Variants in ARID1A observed in about 807,000 individuals in gnomAD.
ARID1A encodes the protein AT-rich interaction domain 1A, also known as AT-rich interactive domain-containing protein 1A.
In ARID1A, 20 loss-of-function variants were observed where a neutral mutation model predicts 212.6. The observed-to-expected ratio is 0.09, with a 90% CI of 0.07 to 0.14. ARID1A has a LOEUF of 0.14. ARID1A is among the 10% of genes least tolerant of loss of function. ARID1A has a pLI of 1.00. For synonymous variants in ARID1A, 1,376 were observed against 1,222.1 expected, an observed-to-expected ratio of 1.13 and a Z score of -2.63; for missense variants, 2,587 against 3,059.0, an observed-to-expected ratio of 0.85 and a Z score of 3.64.
chr1:26,730,097 G>A lies in ARID1A; in HGVS notation c.1350+234G>A, dbSNP rs1166574500. ...ACAGGTACGTATCTCTTTTTCTCTT[G>A]ACCTGACTGGCCAGCTTATACCTAG... On this transcript the variant is annotated intron_variant, in intron 2 of 19. Transcript: ENST00000324856. 2.6e-5 allele frequency among the ~76,000 whole-genome samples: 4 copies of A among 152,098 alleles called. No homozygotes were observed. In the East Asian group the frequency reaches 7.7e-4, roughly 29 times the overall value.
Position 26,780,776 on chromosome 1 carries a change from C to A in ARID1A, c.*20C>A. 1 of 1,544,060 alleles carries A rather than the reference C, an allele frequency of 6.5e-7. No individual in the cohort carries two copies. The highest frequency in any genetic ancestry group is 8.7e-7 in the Non-Finnish European group (1 of 1,145,920). On this transcript the variant is annotated 3_prime_UTR_variant, in exon 20 of 20. Transcript: ENST00000324856. The surrounding 1 kb of genome is among the most constrained non-coding windows in gnomAD (Gnocchi z 7.2). ...TCATGACAGCCGTGGGACACCTCCC[C>A]CCCCCGTGTGTGTGTGCGTGTGTGG...
rs2124117489 is a variant in ARID1A at position 26,774,403 on chromosome 1, A to C, written c.4176A>C (p.Pro1392=). The change falls in exon 18 of 20, where the codon CCA becomes CCC. Residue 1392 remains proline (P), a synonymous_variant. Coordinates refer to ENST00000324856, the MANE Select transcript of ARID1A (RefSeq NM_006015.6). This position sits in a 1 kb window ranked among gnomAD's most constrained non-coding sequence, Gnocchi z 5.6. ...ACGAAGGGGAGATGTACAGCGTGCC[A>C]TACAGCACTGGGCAGGGGCAGCCTC... is the stretch of plus-strand genomic sequence containing the variant. The part of the protein sequence containing the change: ...KRHEGEMYSV[P]YSTGQGQPQQ... 1 of 1,609,974 alleles carries C rather than the reference A, an allele frequency of 6.2e-7. No individual in the cohort carries two copies. The highest frequency in any genetic ancestry group is 8.5e-7 in the Non-Finnish European group (1 of 1,177,438).
At chr1:26,697,669 T>G (rs1450722947) in intron 1 of ARID1A, 129 bp downstream of exon 1, 2 of 927,116 alleles carry the variant, frequency 2.2e-6, no homozygotes, top group Non-Finnish European at 2.8e-6. Context: ...GCTGCCATTG[T>G]CTGGCTCTTC....
intron 1 of ARID1A, among the ~76,000 whole-genome samples, chr1:26,726,477 G>C (rs911880155): frequency 3.3e-5 from 5 of 152,100 alleles, no homozygotes; most frequent in African/African-American, 1.2e-4. Context: ...GCCCAGCCAG[G>C]TTATTCTTAA....
chr1:26,755,577 C>G (rs777525275), intron 4 of ARID1A, among the ~76,000 whole-genome samples: 2 of 152,132 alleles, frequency 1.3e-5, no homozygotes, highest in Non-Finnish European at 2.9e-5. Flanking sequence ...GACCCCAGCC[C>G]CAAGAGCTAC....
chr1:26,734,653 C>G (rs368959061), intron 4 of ARID1A, among the ~76,000 whole-genome samples: 11 of 152,194 alleles, frequency 7.2e-5, no homozygotes, highest in African/African-American at 2.4e-4. Context: ...CCCTTTGCTA[C>G]TTGGGCAGGC....
At position 26,780,606 on chromosome 1, in the gene ARID1A, C is replaced by G. The variant is rs757672227; in HGVS notation, c.6708C>G (p.Arg2236=). The change falls in exon 20 of 20, where the codon CGC becomes CGG. Residue 2236 remains arginine, a synonymous_variant. Transcript: ENST00000324856. This position sits in a 1 kb window ranked among gnomAD's most constrained non-coding sequence, Gnocchi z 7.2. The part of the protein sequence containing the change: ...TSVDMMRRAA[R]ALLALAKVDE... Reference sequence around the variant, plus strand: ...TGGACATGATGCGGCGGGCTGCCCGCGCGCTGCTTGCCTTGGCCAAGGTGG... The same window carrying G: ...TGGACATGATGCGGCGGGCTGCCCGGGCGCTGCTTGCCTTGGCCAAGGTGG... 1 of 1,613,894 alleles carries G rather than the reference C, an allele frequency of 6.2e-7. No homozygotes were observed. Among genetic ancestry groups the G allele is most frequent in the Admixed American group, 1.7e-5 (1 of 60,024 alleles).
At chr1:26,748,156 GTTC>G (rs1557601109) in intron 4 of ARID1A, among the ~76,000 whole-genome samples, 1 of 152,210 alleles carries the variant, frequency 6.6e-6, no homozygotes, top group Non-Finnish European at 1.5e-5. Context: ...CCAGCCCCTA[GTTC>G]TAAGCCATGT....
At chr1:26,721,922 A>G (rs564769466) in intron 1 of ARID1A, among the ~76,000 whole-genome samples, 2 of 152,234 alleles carry the variant, frequency 1.3e-5, no homozygotes, top group South Asian at 2.1e-4. Context: ...ACATGATTCA[A>G]TGACTCTTCC....
intron 1 of ARID1A, chr1:26,729,376 C>A (rs1261631551): frequency 8.8e-6 from 4 of 456,302 alleles, no homozygotes; most frequent in Non-Finnish European, 1.6e-5. Flanking sequence ...CCCGGCCTGT[C>A]CCTTGGATCT....
intron 4 of ARID1A, among the ~76,000 whole-genome samples, chr1:26,756,593 CAA>C (rs1237151624): frequency 6.8e-6 from 1 of 147,762 alleles, no homozygotes; most frequent in Admixed American, 6.7e-5. Flanking sequence ...AAAACACACA[CAA>C]AAAAAAACCC....
At position 26,779,039 on chromosome 1, in the gene ARID1A, A is replaced by C. The variant is rs2124136480; in HGVS notation, c.5141A>C (p.Glu1714Ala). 1 of 1,504,364 alleles carries C rather than the reference A, an allele frequency of 6.6e-7. No individual in the cohort carries two copies. The highest frequency in any genetic ancestry group is 8.9e-7 in the Non-Finnish European group (1 of 1,126,216). 93.2% of individuals were successfully genotyped at this position (1,504,364 alleles called of 1,614,324 possible). A position where few individuals can be genotyped will look rare whatever the true frequency, so the allele number is the denominator to read the frequency against. ...TCTTTTTAGCTCCCAGGGTTGCTAG[A>C]GCTCCTTGTAGAATATTTCCGACGA... ...FNLSQLPGLL[E>A]LLVEYFRRCL... The change falls in exon 20 of 20, where the codon GAG (glutamate) becomes GCG (alanine). Residue 1714 changes from glutamate (E) to alanine (A), a missense_variant. Transcript: ENST00000324856.
In ARID1A at chr1:26,767,891, C is replaced by T. The variant is rs752808302; in HGVS notation, c.3090C>T (p.Phe1030=). 4.6e-5 allele frequency: 75 copies of T among 1,613,980 alleles called. No individual in the cohort carries two copies. In the South Asian group the frequency reaches 7.9e-4, roughly 17 times the overall value. ...TGTGGGTGGACCGTTATCTGGCCTT[C>T]ACTGAGGAGAAGGCCATGGGCATGA... ...RKMWVDRYLA[F]TEEKAMGMTN... The change falls in exon 11 of 20, where the codon TTC becomes TTT. Residue 1030 remains phenylalanine (F), a synonymous_variant. Transcript: ENST00000324856.
chr1:26,775,045 C>T lies in ARID1A; in HGVS notation c.4818C>T (p.Phe1606=), dbSNP rs548881096. 8.1e-6 allele frequency: 13 copies of T among 1,612,886 alleles called. No individual in the cohort carries two copies. Among genetic ancestry groups the T allele is most frequent in the African/African-American group, 8.0e-5 (6 of 74,878 alleles). The change falls in exon 18 of 20, where the codon TTC becomes TTT. Residue 1606 remains phenylalanine (F), a synonymous_variant. Transcript: ENST00000324856. ...GCACCTCTCCTAGCAAGTCTCCATT[C>T]CTGCACTCTGGGATGAAAATGCAGA... is the stretch of plus-strand genomic sequence containing the variant. The part of the protein sequence containing the change: ...ENRTSPSKSP[F]LHSGMKMQKA...
intron 1 of ARID1A, among the ~76,000 whole-genome samples, chr1:26,713,036 C>T (rs1463865853): frequency 6.6e-6 from 1 of 152,216 alleles, no homozygotes; most frequent in Non-Finnish European, 1.5e-5. Flanking sequence ...ATCACTGGGA[C>T]CTAGCTGCAA....
chr1:26,710,362 A>T (rs2080439241), intron 1 of ARID1A, among the ~76,000 whole-genome samples: 1 of 134,236 alleles, frequency 7.4e-6, no homozygotes, highest in African/African-American at 2.6e-5. Context: ...TGAACCTGGG[A>T]GGCAGAGGTT....
rs2080985577 is a variant in ARID1A, at chr1:26,760,902, C to G, written c.1967C>G (p.Ala656Gly). ...IDDLPMGTEG[A>G]LSPGVSTSGI... ...GACCTCCCCATGGGGACAGAAGGAGCTCTGAGTCCTGGAGTGAGCACATCA... is the reference window on the plus strand; with the variant it reads ...GACCTCCCCATGGGGACAGAAGGAGGTCTGAGTCCTGGAGTGAGCACATCA... Residue 656 changes from alanine (A) to glycine (G), a missense_variant, in exon 5 of 20, where the codon GCT becomes GGT. Ala to Gly is a moderately conservative substitution (Grantham distance 60). Transcript: ENST00000324856. 6.2e-7 allele frequency: 1 copy of G among 1,614,026 alleles called. No homozygotes were observed. The highest frequency in any genetic ancestry group is 8.5e-7 in the Non-Finnish European group (1 of 1,179,966).
Position 26,729,645 on chromosome 1 carries a change from TTG to T in ARID1A, c.1138-4_1138-3del, listed in dbSNP as rs1422289765. The T allele has an allele frequency of 4.3e-6, 7 of 1,613,816 alleles. No individual in the cohort carries two copies. The highest frequency in any genetic ancestry group is 5.9e-6 in the Non-Finnish European group (7 of 1,179,730). On this transcript the variant is annotated splice_polypyrimidine_tract_variant and splice_region_variant and intron_variant, in intron 1 of 19. Transcript: ENST00000324856. ...TCAGGTTAATGAAATGCTCTTTATT[TTG>T]TAGCCATCCAGTCCAATGGATCAGA...
chr1:26,766,409 C>T (rs2124080906), intron 9 of ARID1A, 43 bp downstream of exon 9: 1 of 1,613,908 alleles, frequency 6.2e-7, no homozygotes, highest in Non-Finnish European at 8.5e-7. Context: ...TCAAGAGTCA[C>T]ATCACAGCTA....
Sources: allele counts gnomAD v4.1 joint callset (sites outside exome capture counted in the v4.1 genomes callset), GRCh38; gene constraint gnomAD v4.1.1; non-coding constraint Gnocchi (gnomAD v3.1); transcripts MANE v1.5; gene names NCBI Gene and HGNC (gene_info 2026-07-23, HGNC 2026-07-21).